Variants in EPHB1 observed in about 807,000 individuals in gnomAD.
EPHB1 encodes the protein EPH receptor B1, also known as ephrin type-B receptor 1.
In EPHB1, 30 loss-of-function variants were observed where a neutral mutation model predicts 94.4. The ratio of observed to expected loss-of-function variants is 0.32; its 90% confidence interval spans 0.24 to 0.43. The LOEUF is 0.43. EPHB1 is among the 20% of genes least tolerant of loss of function. The pLI is 1.00. For synonymous variants in EPHB1, 522 were observed against 489.1 expected (o/e 1.07, Z -0.89); for missense variants, 1,055 against 1,308.3 (o/e 0.81, Z 2.99).
intron 1 of EPHB1, among the ~76,000 whole-genome samples, chr3:134,803,690 G>C (rs1309928898): frequency 6.6e-6 from 1 of 152,154 alleles, no homozygotes; most frequent in Non-Finnish European, 1.5e-5. Context: ...TTACAGATGA[G>C]GTAGCTGAGG....
chr3:134,824,017 A>C (rs2036428860), intron 1 of EPHB1: 1 of 152,252 alleles, frequency 6.6e-6, no homozygotes, highest in African/African-American at 2.4e-5. Flanking sequence ...TGGAACAAAT[A>C]CATGGGTTTT....
intron 13 of EPHB1, among the ~76,000 whole-genome samples, chr3:135,244,034 G>A (rs1361051320): frequency 6.6e-6 from 1 of 152,112 alleles, no homozygotes. Flanking sequence ...ATACATGTCT[G>A]GGGGCAGCCG....
chr3:134,937,426 A>G (rs1401099987), intron 2 of EPHB1, among the ~76,000 whole-genome samples: 1 of 152,230 alleles, frequency 6.6e-6, no homozygotes, highest in Non-Finnish European at 1.5e-5. Context: ...AACGAAGCCA[A>G]GAGCTCCTGC....
intron 15 of EPHB1, among the ~76,000 whole-genome samples, chr3:135,252,371 C>T (rs1349849632): frequency 1.1e-4 from 13 of 114,366 alleles, no homozygotes; most frequent in Non-Finnish European, 1.2e-4. Flanking sequence ...CCCCCTCCCC[C>T]CACCCCACCA....
intron 2 of EPHB1, among the ~76,000 whole-genome samples, chr3:134,946,015 C>T (rs938448971): frequency 5.3e-5 from 8 of 152,288 alleles, no homozygotes; most frequent in East Asian, 1.9e-4. Context: ...GCCTTGTTGG[C>T]GAGGCAGGAC....
At chr3:134,988,911 G>A (rs1934697249) in intron 3 of EPHB1, among the ~76,000 whole-genome samples, 1 of 152,172 alleles carries the variant, frequency 6.6e-6, no homozygotes, top group Non-Finnish European at 1.5e-5. Context: ...TCACAATGCA[G>A]CCTTGGCAGA....
intron 12 of EPHB1, among the ~76,000 whole-genome samples, chr3:135,216,606 C>A (rs13065989): frequency 3.0e-4 from 46 of 151,312 alleles, no homozygotes; most frequent in African/African-American, 1.0e-3. Flanking sequence ...GCCTGTAATC[C>A]CAGCTACTTG....
chr3:134,853,483 G>T (rs1424803887), intron 1 of EPHB1, among the ~76,000 whole-genome samples: 1 of 152,240 alleles, frequency 6.6e-6, no homozygotes, highest in Admixed American at 6.5e-5. Flanking sequence ...TACCAAAGAT[G>T]GCATCCAGGT....
chr3:135,162,151 G>T lies in EPHB1; in HGVS notation c.1556G>T (p.Gly519Val). 1 of 1,609,806 alleles carries T rather than the reference G, an allele frequency of 6.2e-7. No homozygotes were observed. The highest frequency in any genetic ancestry group is 8.5e-7 in the Non-Finnish European group (1 of 1,177,582). ...GTTGCTGGCTACGGCAAGTTCAGTG[G>T]CAAGATGTGCTTCCAGACTCTGACT... is the stretch of plus-strand genomic sequence containing the variant. ...RTVAGYGKFS[G>V]KMCFQTLTDD... Residue 519 changes from glycine (G) to valine (V), a missense_variant, in exon 7 of 16, where the codon GGC (glycine) becomes GTC (valine). Coordinates refer to ENST00000398015, the MANE Select transcript of EPHB1 (RefSeq NM_004441.5).
chr3:134,940,610 C>T (rs1009625634), intron 2 of EPHB1, among the ~76,000 whole-genome samples: 7 of 152,220 alleles, frequency 4.6e-5, no homozygotes, highest in African/African-American at 1.7e-4. Flanking sequence ...GCCTGGGATG[C>T]TCCTCCTTCG....
At chr3:135,129,246 C>T (rs1013105702) in intron 4 of EPHB1, among the ~76,000 whole-genome samples, 1 of 152,098 alleles carries the variant, frequency 6.6e-6, no homozygotes, top group Non-Finnish European at 1.5e-5. Flanking sequence ...TCCTCCTGAG[C>T]AGCTGGGAGT....
intron 5 of EPHB1, among the ~76,000 whole-genome samples, chr3:135,138,828 TA>T (rs1940712785): frequency 6.6e-6 from 1 of 152,282 alleles, no homozygotes; most frequent in East Asian, 1.9e-4. Context: ...ATTTTGTTTT[TA>T]TTGTTTCTTA....
At chr3:134,897,487 G>A (rs2038110670) in intron 1 of EPHB1, among the ~76,000 whole-genome samples, 2 of 152,190 alleles carry the variant, frequency 1.3e-5, no homozygotes, top group Non-Finnish European at 2.9e-5. Flanking sequence ...CATCACAGGT[G>A]TGTTCGATCT....
chr3:135,122,703 A>G (rs1377892371), intron 4 of EPHB1, among the ~76,000 whole-genome samples: 1 of 152,164 alleles, frequency 6.6e-6, no homozygotes, highest in African/African-American at 2.4e-5. Context: ...AGAATGTATA[A>G]TCTACTTCCT....
At chr3:134,822,381 T>C (rs1290380412) in intron 1 of EPHB1, among the ~76,000 whole-genome samples, 1 of 152,112 alleles carries the variant, frequency 6.6e-6, no homozygotes, top group Non-Finnish European at 1.5e-5. Context: ...CACCCTTCAC[T>C]CAGATTTGGC....
Position 135,162,066 on chromosome 3 carries a change from G to A in EPHB1, c.1471G>A (p.Ala491Thr), listed in dbSNP as rs2107698172. Residue 491 changes from alanine to threonine, a missense_variant, in exon 7 of 16, where the codon GCA (alanine) becomes ACA (threonine). Transcript: ENST00000398015. ...CATGGCCAGGAGTCAGACCAACACA[G>A]CAAGGATTGATGGGCTGCGGCCTGG... ...SSMARSQTNT[A>T]RIDGLRPGMV... The A allele has an allele frequency of 1.2e-6, 2 of 1,613,532 alleles. No individual in the cohort carries two copies. The highest frequency in any genetic ancestry group is 1.7e-6 in the Non-Finnish European group (2 of 1,179,614).
At chr3:135,081,722 C>T (rs989046346) in intron 3 of EPHB1, among the ~76,000 whole-genome samples, 2 of 152,148 alleles carry the variant, frequency 1.3e-5, no homozygotes, top group African/African-American at 4.8e-5. Context: ...TTTCCAGCCC[C>T]TCTGAGCCTG....
rs1159120404 is a variant in EPHB1 at position 135,026,426 on chromosome 3, A to C, written c.805+74374A>C. Among the ~76,000 whole-genome samples the C allele has an allele frequency of 4.0e-5, 6 of 149,830 alleles. No individual in the cohort carries two copies. In the East Asian group the frequency reaches 1.0e-3, roughly 25 times the overall value. On this transcript the variant is annotated intron_variant, in intron 3 of 15. Coordinates refer to ENST00000398015, the MANE Select transcript of EPHB1 (RefSeq NM_004441.5). ...GGAAGGGATCCAGTTTCAGCTTTCTACATATGGCTAGCCAGTTTTCCCAGC... is the reference window on the plus strand; with the variant it reads ...GGAAGGGATCCAGTTTCAGCTTTCTCCATATGGCTAGCCAGTTTTCCCAGC...
intron 9 of EPHB1, among the ~76,000 whole-genome samples, chr3:135,169,809 C>T (rs1941752716): frequency 6.6e-6 from 1 of 152,118 alleles, no homozygotes; most frequent in Non-Finnish European, 1.5e-5. Flanking sequence ...TTATCTAGGG[C>T]ACATGACTAA....
Sources: allele counts gnomAD v4.1 joint callset (sites outside exome capture counted in the v4.1 genomes callset), GRCh38; gene constraint gnomAD v4.1.1; transcripts MANE v1.5; gene names NCBI Gene and HGNC (gene_info 2026-07-23, HGNC 2026-07-21).